The following CCT3 variants were observed in gnomAD, a reference collection of about 807,000 sequenced individuals.
The protein encoded by CCT3 is T-complex protein 1 subunit gamma.
Under a neutral mutation model 65.3 loss-of-function variants are expected in CCT3, and 10 were observed. That is an observed-to-expected ratio of 0.15 (90% CI 0.09 to 0.26). The LOEUF is 0.26. Among genes scored for constraint, CCT3 ranks in the 10% least tolerant of loss-of-function variants. The probability of loss-of-function intolerance (pLI) is 1.00; values close to 1 mark genes in which losing one functional copy is unlikely to be tolerated. For synonymous variants in CCT3, 225 were observed against 242.3 expected, an observed-to-expected ratio of 0.93 and a Z score of 0.66; for missense variants, 626 against 708.7, an observed-to-expected ratio of 0.88 and a Z score of 1.33.
chr1:156,320,686 C>G (rs369472715), intron 7 of CCT3, among the ~76,000 whole-genome samples, 153 bp downstream of exon 7: 8 of 152,156 alleles, frequency 5.3e-5, no homozygotes, highest in Non-Finnish European at 1.2e-4. Context: ...TGGGCTGTGA[C>G]TGTGCCACTA....
chr1:156,312,216 C>A lies in CCT3; in HGVS notation c.980G>T (p.Cys327Phe). 2 of 1,613,866 alleles carry A rather than the reference C, an allele frequency of 1.2e-6. No homozygotes were observed. The highest frequency in any genetic ancestry group is 8.5e-7 in the Non-Finnish European group (1 of 1,179,896). The change falls in exon 11 of 14, where the codon TGT (cysteine) becomes TTT (phenylalanine). Residue 327 changes from cysteine to phenylalanine, a missense_variant. Transcript: ENST00000295688. ...TGGTCGGCTGACTATCCGGGCCCCACAGGCTCTAATGGACGGAAGAGGTGG... is the reference window on the plus strand; with the variant it reads ...TGGTCGGCTGACTATCCGGGCCCCAAAGGCTCTAATGGACGGAAGAGGTGG... ...KTDNNRIARA[C>F]GARIVSRPEE...
At chr1:156,316,523 A>T (rs866898363) in intron 10 of CCT3, among the ~76,000 whole-genome samples, 1 of 152,222 alleles carries the variant, frequency 6.6e-6, no homozygotes, top group African/African-American at 2.4e-5. Flanking sequence ...GATCTGTGAT[A>T]TATTATGTTG....
At chr1:156,319,613 T>TA (rs1484131707) in intron 7 of CCT3, among the ~76,000 whole-genome samples, 1 of 152,078 alleles carries the variant, frequency 6.6e-6, no homozygotes, top group Non-Finnish European at 1.5e-5. Flanking sequence ...GGTTCACACC[T>TA]AAAATCCCAG....
At chr1:156,321,460 G>A (rs895001925) in intron 6 of CCT3, among the ~76,000 whole-genome samples, 2 of 151,768 alleles carry the variant, frequency 1.3e-5, no homozygotes, top group African/African-American at 4.8e-5. Context: ...GTGTCACAGT[G>A]GTCAAAGATG....
At chr1:156,326,685 A>G (rs1301477071) in intron 5 of CCT3, among the ~76,000 whole-genome samples, 1 of 150,794 alleles carries the variant, frequency 6.6e-6, no homozygotes, top group Non-Finnish European at 1.5e-5. Flanking sequence ...AAAAAAAAAG[A>G]AAATGTACAC....
Position 156,334,852 on chromosome 1 carries a change from G to C in CCT3, c.144+16C>G. The stretch of plus-strand genomic sequence containing the variant: ...AAAAATTGTAGCCTAAGAGTTTTAG[G>C]AAGAGATAAGCCTACCTTCATCATG... On this transcript the variant is annotated intron_variant, in intron 3 of 13. Coordinates refer to ENST00000295688, the MANE Select transcript of CCT3 (RefSeq NM_005998.5). 6.2e-7 allele frequency: 1 copy of C among 1,613,982 alleles called. No individual in the cohort carries two copies. The highest frequency in any genetic ancestry group is 8.5e-7 in the Non-Finnish European group (1 of 1,179,866).
intron 5 of CCT3, among the ~76,000 whole-genome samples, chr1:156,330,410 C>G (rs1665055846): frequency 6.6e-6 from 1 of 152,166 alleles, no homozygotes; most frequent in African/African-American, 2.4e-5. Context: ...GCCTGTAATC[C>G]CAGCACTTTG....
intron 5 of CCT3, among the ~76,000 whole-genome samples, chr1:156,329,939 G>C (rs1040637495): frequency 5.2e-5 from 7 of 133,348 alleles, no homozygotes; most frequent in Non-Finnish European, 8.1e-5. Flanking sequence ...ACTCTGTCTC[G>C]AAAAAAAAAA....
intron 8 of CCT3, among the ~76,000 whole-genome samples, chr1:156,317,989 G>T (rs1374319846): frequency 6.6e-6 from 1 of 152,106 alleles, no homozygotes; most frequent in Non-Finnish European, 1.5e-5. Flanking sequence ...TGGGATTACA[G>T]GCGTGAGCCA....
chr1:156,320,635 AATC>A (rs1436258002), intron 7 of CCT3, among the ~76,000 whole-genome samples: 1 of 152,170 alleles, frequency 6.6e-6, no homozygotes, highest in African/African-American at 2.4e-5. Flanking sequence ...AGTCCTAGCA[AATC>A]AGAGGATTTG....
chr1:156,316,233 A>C (rs1345760596), intron 10 of CCT3, among the ~76,000 whole-genome samples: 1 of 152,168 alleles, frequency 6.6e-6, no homozygotes, highest in Non-Finnish European at 1.5e-5. Flanking sequence ...AGCAATCTAA[A>C]GGTGATTTAA....
rs757860221 is a variant in CCT3, at chr1:156,312,171, T to C, written c.1025A>G (p.Asp342Gly). 1 of 1,614,130 alleles carries C rather than the reference T, an allele frequency of 6.2e-7. No homozygotes were observed. Among genetic ancestry groups the C allele is most frequent in the South Asian group, 1.1e-5 (1 of 91,080 alleles). The part of the protein sequence containing the change: ...VSRPEELRED[D>G]VGTGAGLLEI... ...CAACAGGCCTGCTCCTGTTCCAACATCATCTTCTCTCAGTTCCTCTGGTCG... is the reference window on the plus strand; with the variant it reads ...CAACAGGCCTGCTCCTGTTCCAACACCATCTTCTCTCAGTTCCTCTGGTCG... Residue 342 changes from aspartate (D) to glycine (G), a missense_variant, in exon 11 of 14, where the codon GAT becomes GGT. Physicochemically the swap from Asp to Gly is moderately conservative, Grantham distance 94. Transcript: ENST00000295688.
intron 7 of CCT3, among the ~76,000 whole-genome samples, chr1:156,319,508 T>C (rs1664459964): frequency 2.0e-5 from 3 of 152,110 alleles, no homozygotes; most frequent in African/African-American, 2.4e-5. Flanking sequence ...TACACCAATT[T>C]TAGACCATGA....
At chr1:156,334,243 A>G (rs1343306431) in intron 4 of CCT3, among the ~76,000 whole-genome samples, 2 of 150,898 alleles carry the variant, frequency 1.3e-5, no homozygotes, top group Non-Finnish European at 3.0e-5. Flanking sequence ...CCGTCTCAAA[A>G]AAAAAAAAAA....
chr1:156,313,357 A>AG lies in CCT3; in HGVS notation c.975-1137_975-1136insC, dbSNP rs1396135154. Among the ~76,000 whole-genome samples, 60 of 150,638 alleles carry AG rather than the reference A, an allele frequency of 4.0e-4. 2 individuals are homozygous for AG. The highest frequency in any genetic ancestry group is 1.2e-4 in the Non-Finnish European group (8 of 67,636). On this transcript the variant is annotated intron_variant, in intron 10 of 13. Transcript: ENST00000295688. ...CTGTCTCAAAAAAAAAAAGAAAAAAAAAAAAAGAGAGAGAGAGAGAGAGAG... is the reference window on the plus strand; with the variant it reads ...CTGTCTCAAAAAAAAAAAGAAAAAAAGAAAAAAGAGAGAGAGAGAGAGAGAG...
At chr1:156,327,121 C>A (rs1450479689) in intron 5 of CCT3, among the ~76,000 whole-genome samples, 1 of 152,092 alleles carries the variant, frequency 6.6e-6, no homozygotes, top group African/African-American at 2.4e-5. Flanking sequence ...TAGATGCAAA[C>A]CCACACACAA....
intron 1 of CCT3, among the ~76,000 whole-genome samples, chr1:156,336,265 A>AT (rs1038908867): frequency 3.2e-4 from 46 of 143,726 alleles, no homozygotes; most frequent in African/African-American, 1.1e-3. Context: ...ATGTGAGAAA[A>AT]TGAGAGATAC....
intron 5 of CCT3, among the ~76,000 whole-genome samples, chr1:156,326,267 T>C (rs1390760528): frequency 6.6e-6 from 1 of 152,120 alleles, no homozygotes; most frequent in South Asian, 2.1e-4. Context: ...AGGTCAAGGC[T>C]GCAGTGAGCC....
At chr1:156,310,882 A>C in intron 12 of CCT3, 68 bp downstream of exon 12, 1 of 1,557,512 alleles carries the variant, frequency 6.4e-7, no homozygotes, top group Non-Finnish European at 8.7e-7. Context: ...GCCAGATAAG[A>C]ATCTTCCCCT....
Sources: allele counts gnomAD v4.1 joint callset (sites outside exome capture counted in the v4.1 genomes callset), GRCh38; gene constraint gnomAD v4.1.1; transcripts MANE v1.5; gene names NCBI Gene and HGNC (gene_info 2026-07-23, HGNC 2026-07-21).